The following PDXK variants were observed in gnomAD, a reference collection of about 807,000 sequenced individuals.
PDXK encodes pyridoxal kinase, also known as epididymis secretory sperm binding protein Li 1a.
Under a neutral mutation model 43.2 loss-of-function variants are expected in PDXK, and 15 were observed. That is an observed-to-expected ratio of 0.35 (90% CI 0.23 to 0.53). PDXK has a LOEUF of 0.53. Among genes scored for constraint, PDXK ranks in the 20% least tolerant of loss-of-function variants. The pLI is 0.92. For synonymous variants in PDXK, 172 were observed against 165.4 expected, an observed-to-expected ratio of 1.04 and a Z score of -0.31; for missense variants, 343 against 417.0, an observed-to-expected ratio of 0.82 and a Z score of 1.54.
chr21:43,724,613 G>A (rs552487600), intron 1 of PDXK, among the ~76,000 whole-genome samples: 2 of 151,820 alleles, frequency 1.3e-5, no homozygotes, highest in Admixed American at 1.3e-4. Context: ...AGGCCGAGAT[G>A]GGGGGATCAC....
chr21:43,748,953 C>T (rs1423829603), intron 5 of PDXK, 42 bp from the exon 6 acceptor site: 2 of 1,278,766 alleles, frequency 1.6e-6, no homozygotes, highest in South Asian at 1.2e-5. Flanking sequence ...GTGCTTCCCT[C>T]ACGGTGACTC....
At chr21:43,755,885 G>T in intron 10 of PDXK, 66 bp from the exon 11 acceptor site, 1 of 1,443,960 alleles carries the variant, frequency 6.9e-7, no homozygotes, top group Non-Finnish European at 9.7e-7. Flanking sequence ...CCTCACCTCT[G>T]GGAGTGGGGG....
chr21:43,729,691 C>T (rs2083293617), intron 1 of PDXK, among the ~76,000 whole-genome samples: 1 of 152,130 alleles, frequency 6.6e-6, no homozygotes, highest in Non-Finnish European at 1.5e-5. Context: ...TGTTATTGCA[C>T]CACTTTGGGA....
rs577287488 is a variant in PDXK at position 43,748,068 on chromosome 21, G to A, written c.379-927G>A. 2.0e-5 allele frequency among the ~76,000 whole-genome samples: 3 copies of A among 152,348 alleles called. No homozygotes were observed. The East Asian group carries it at 5.8e-4, about 29-fold the overall frequency. ...TCTGATCTCCAAGGGAGGTTTCCGGGAGCAAAGTGAAGTGAAGGGATTGGA... is the reference window on the plus strand; with the variant it reads ...TCTGATCTCCAAGGGAGGTTTCCGGAAGCAAAGTGAAGTGAAGGGATTGGA... On this transcript the variant is annotated intron_variant, in intron 5 of 10. Coordinates refer to ENST00000291565, the MANE Select transcript of PDXK (RefSeq NM_003681.5).
At position 43,730,272 on chromosome 21, in the gene PDXK, C is replaced by G. The variant is rs867206789; in HGVS notation, c.88-3797C>G. Among the ~76,000 whole-genome samples, 991 of 151,524 alleles carry G rather than the reference C, an allele frequency of 6.5e-3. 15 individuals carry two copies. The highest frequency in any genetic ancestry group is 0.022 in the African/African-American group (919 of 41,494). On this transcript the variant is annotated intron_variant, in intron 1 of 10. Coordinates refer to ENST00000291565, the MANE Select transcript of PDXK (RefSeq NM_003681.5). Reference sequence around the variant, plus strand: ...TCCTGAGTAGCTGGGACTACAGGCACGAGCCACTACACCCGGCCAATTTTT... The same window carrying G: ...TCCTGAGTAGCTGGGACTACAGGCAGGAGCCACTACACCCGGCCAATTTTT...
At position 43,755,968 on chromosome 21, in the gene PDXK, G is replaced by C; in HGVS notation, c.844G>C (p.Val282Leu). The change falls in exon 11 of 11, where the codon GTG (valine) becomes CTG (leucine). Residue 282 changes from valine to leucine, a missense_variant. Coordinates refer to ENST00000291565, the MANE Select transcript of PDXK (RefSeq NM_003681.5). ...CCCCGCAGCCCAGGCCGGGGAAGGA[G>C]TGAGGCCCAGCCCCATGCAGCTGGA... ...QCAKAQAGEGVRPSPMQLELR... is the reference protein window; with the variant it reads ...QCAKAQAGEGLRPSPMQLELR... 2.5e-6 allele frequency: 4 copies of C among 1,611,588 alleles called. No individual in the cohort carries two copies. Among genetic ancestry groups the C allele is most frequent in the Non-Finnish European group, 3.4e-6 (4 of 1,178,546 alleles).
chr21:43,724,141 C>T (rs953336549), intron 1 of PDXK, among the ~76,000 whole-genome samples: 5 of 152,294 alleles, frequency 3.3e-5, no homozygotes, highest in African/African-American at 7.2e-5. Context: ...CGTGGTCCGT[C>T]GGTGCGGAGC....
rs1452283155 is a variant in PDXK, at chr21:43,758,998, G to A, written c.*2935G>A. The A allele has an allele frequency of 6.6e-6, 1 of 152,226 alleles. No homozygotes were observed. Among genetic ancestry groups the A allele is most frequent in the Admixed American group, 6.5e-5 (1 of 15,282 alleles). The allele number at this position is 152,226 out of a possible 1,614,324, so 9.4% of individuals were successfully genotyped here. ...AGCTCGTTAGAGCCAGTTTTGAAAC[G>A]TTTGGTCTTACCGTGAACGGAGGCT... is the stretch of plus-strand genomic sequence containing the variant. On this transcript the variant is annotated 3_prime_UTR_variant, in exon 11 of 11. Coordinates refer to ENST00000291565, the MANE Select transcript of PDXK (RefSeq NM_003681.5).
chr21:43,739,102 T>G lies in PDXK; in HGVS notation c.143-2565T>G, dbSNP rs150474713. Among the ~76,000 whole-genome samples the G allele has an allele frequency of 6.3e-3, 955 of 152,048 alleles. 11 individuals carry two copies. Among genetic ancestry groups the G allele is most frequent in the African/African-American group, 0.023 (941 of 41,460 alleles). On this transcript the variant is annotated intron_variant, in intron 2 of 10. Transcript: ENST00000291565. ...GCACCCGCAACCACGCCCGGCTAAT[T>G]TTTTTGTATTTTTAGTAGGGACGGG...
chr21:43,724,624 T>C (rs2083235932), intron 1 of PDXK, among the ~76,000 whole-genome samples: 1 of 151,564 alleles, frequency 6.6e-6, no homozygotes, highest in Non-Finnish European at 1.5e-5. Flanking sequence ...GGGGGATCAC[T>C]TGAGCCTGGG....
chr21:43,754,154 C>T lies in PDXK; in HGVS notation c.759+435C>T, dbSNP rs550396013. ...GCAGTGACCTGAGGGACGGAAAGGC[C>T]GGAGCCGCCCTTCGGGGACAGTAGG... On this transcript the variant is annotated intron_variant, in intron 9 of 10. Coordinates refer to ENST00000291565, the MANE Select transcript of PDXK (RefSeq NM_003681.5). This position sits in a 1 kb window ranked among gnomAD's most constrained non-coding sequence, Gnocchi z 5.5. Among the ~76,000 whole-genome samples, 17 of 152,326 alleles carry T rather than the reference C, an allele frequency of 1.1e-4. No homozygotes were observed. In the East Asian group the frequency reaches 1.5e-3, roughly 14 times the overall value.
rs1569000074 is a variant in PDXK at position 43,760,181 on chromosome 21, G to GTCTT, written c.*4119_*4120insCTTT. On this transcript the variant is annotated 3_prime_UTR_variant, in exon 11 of 11. Coordinates refer to ENST00000291565, the MANE Select transcript of PDXK (RefSeq NM_003681.5). Reference sequence around the variant, plus strand: ...AATCTTGGATTTTTTGTTTTTTTTTGTTTTTTTTTTTTTGAGGTGAAGTCT... The same window carrying GTCTT: ...AATCTTGGATTTTTTGTTTTTTTTTGTCTTTTTTTTTTTTTTTGAGGTGAAGTCT... 1 of 147,952 alleles carries GTCTT rather than the reference G, an allele frequency of 6.8e-6. No homozygotes were observed. Among genetic ancestry groups the GTCTT allele is most frequent in the Non-Finnish European group, 1.5e-5 (1 of 66,356 alleles). 9.2% of individuals were successfully genotyped at this position (147,952 alleles called of 1,614,324 possible). A position where few individuals can be genotyped will look rare whatever the true frequency, so the allele number is the denominator to read the frequency against.
Position 43,732,078 on chromosome 21 carries a change from G to T in PDXK, c.88-1991G>T. On this transcript the variant is annotated intron_variant, in intron 1 of 10. Coordinates refer to ENST00000291565, the MANE Select transcript of PDXK (RefSeq NM_003681.5). The surrounding 1 kb of genome is among the most constrained non-coding windows in gnomAD (Gnocchi z 4.1). ...AGGGACGGTCACTACCGCTGCCCCT[G>T]TGGGGAGAAGAGCCCCGGGGGAAGA... The T allele has an allele frequency of 1.9e-6, 2 of 1,080,064 alleles. No homozygotes were observed. Among genetic ancestry groups the T allele is most frequent in the African/African-American group, 3.2e-5 (2 of 62,128 alleles). The allele number at this position is 1,080,064 out of a possible 1,614,324, so 66.9% of individuals were successfully genotyped here. A position where few individuals can be genotyped will look rare whatever the true frequency, so the allele number is the denominator to read the frequency against.
rs2147267292 is a variant in PDXK, at chr21:43,741,715, A to T, written c.191A>T (p.Glu64Val). 6.2e-7 allele frequency: 1 copy of T among 1,613,230 alleles called. No homozygotes were observed. Among genetic ancestry groups the T allele is most frequent in the African/African-American group, 1.3e-5 (1 of 74,970 alleles). The stretch of plus-strand genomic sequence containing the variant: ...GTGCTGAATTCAGATGAGCTCCAGG[A>T]GTTGTACGAAGGCCTGAGGCTGAAC... ...GQVLNSDELQ[E>V]LYEGLRLNNM... Residue 64 changes from glutamate (E) to valine (V), a missense_variant, in exon 3 of 11, where the codon GAG becomes GTG. Physicochemically the swap from Glu to Val is moderately radical, Grantham distance 121 (BLOSUM62 -2). Transcript: ENST00000291565.
chr21:43,750,448 G>A (rs966727166), intron 6 of PDXK, 52 bp from the exon 7 acceptor site: 15 of 1,515,210 alleles, frequency 9.9e-6, no homozygotes, highest in Middle Eastern at 1.7e-4. Context: ...CACACAACCC[G>A]GAGAGGAGAG....
intron 2 of PDXK, among the ~76,000 whole-genome samples, chr21:43,740,364 C>T (rs890265376): frequency 1.6e-4 from 24 of 152,252 alleles, no homozygotes; most frequent in Middle Eastern, 3.4e-3. Context: ...GGCGCAGAGC[C>T]GGCCGTGACC....
At position 43,743,827 on chromosome 21, in the gene PDXK, C is replaced by G. The variant is rs374926446; in HGVS notation, c.331+20C>G. 2 of 1,581,574 alleles carry G rather than the reference C, an allele frequency of 1.3e-6. No individual in the cohort carries two copies. The highest frequency in any genetic ancestry group is 1.7e-6 in the Non-Finnish European group (2 of 1,152,536). ...TGTACGGTAGGCAGGGGCCCACCCT[C>G]GGGTCTGGCTGTGTGGCCCCACACG... On this transcript the variant is annotated intron_variant, in intron 4 of 10. Transcript: ENST00000291565.
In PDXK at chr21:43,719,241, G is replaced by C; in HGVS notation, c.-54G>C. Reference sequence around the variant, plus strand: ...CCGAGCCGAGCCGGAGCCCGAGCGAGCGGCGGAGACCGTGCCCCCGCCTCG... The same window carrying C: ...CCGAGCCGAGCCGGAGCCCGAGCGACCGGCGGAGACCGTGCCCCCGCCTCG... On this transcript the variant is annotated 5_prime_UTR_variant, in exon 1 of 11. Transcript: ENST00000291565. 1 of 1,074,144 alleles carries C rather than the reference G, an allele frequency of 9.3e-7. No homozygotes were observed. The highest frequency in any genetic ancestry group is 1.2e-6 in the Non-Finnish European group (1 of 820,438). 66.5% of individuals were successfully genotyped at this position (1,074,144 alleles called of 1,614,324 possible).
At chr21:43,749,893 C>G (rs2083704164) in intron 6 of PDXK, among the ~76,000 whole-genome samples, 2 of 152,218 alleles carry the variant, frequency 1.3e-5, no homozygotes, top group Non-Finnish European at 2.9e-5. Flanking sequence ...CATGGCTCCC[C>G]CCAGCTGAAG....
Sources: allele counts gnomAD v4.1 joint callset (sites outside exome capture counted in the v4.1 genomes callset), GRCh38; gene constraint gnomAD v4.1.1; non-coding constraint Gnocchi (gnomAD v3.1); transcripts MANE v1.5; gene names NCBI Gene and HGNC (gene_info 2026-07-23, HGNC 2026-07-21).